The following MAP4 variants were observed in gnomAD, a reference collection of about 807,000 sequenced individuals.
MAP4 encodes the protein microtubule associated protein 4, also known as microtubule-associated protein 4.
In MAP4, 76 loss-of-function variants were observed where a neutral mutation model predicts 170.2. The ratio of observed to expected loss-of-function variants is 0.45; its 90% confidence interval spans 0.37 to 0.54. The LOEUF (loss-of-function observed/expected upper bound fraction) is 0.54. Ranked by LOEUF, MAP4 falls within the 20% of genes least tolerant of loss-of-function variation. The probability of loss-of-function intolerance (pLI) is 0.00; values close to 1 mark genes in which losing one functional copy is unlikely to be tolerated. For missense variants in MAP4, 2,506 were observed against 2,748.0 expected, an observed-to-expected ratio of 0.91 and a Z score of 1.97; for synonymous variants, 909 against 994.5, an observed-to-expected ratio of 0.91 and a Z score of 1.62.
At chr3:48,038,354 G>A (rs571627175) in intron 1 of MAP4, among the ~76,000 whole-genome samples, 1 of 150,392 alleles carries the variant, frequency 6.6e-6, no homozygotes, top group Admixed American at 6.6e-5. Flanking sequence ...ACCATCCATG[G>A]CAAAAAAAAA....
chr3:48,051,186 A>G (rs2100127648), intron 1 of MAP4, among the ~76,000 whole-genome samples: 2 of 151,224 alleles, frequency 1.3e-5, no homozygotes, highest in Non-Finnish European at 2.9e-5. Context: ...GCCAAGGTGG[A>G]TGGATCATCT....
At chr3:47,861,927 C>T (rs1186822423) in intron 17 of MAP4, among the ~76,000 whole-genome samples, 1 of 151,422 alleles carries the variant, frequency 6.6e-6, no homozygotes, top group Non-Finnish European at 1.5e-5. Context: ...TTTGGGAGGC[C>T]GAGGTGGGTG....
chr3:48,020,721 C>CA (rs111747560), upstream of MAP4, among the ~76,000 whole-genome samples: 92 of 151,468 alleles, frequency 6.1e-4, 1 homozygote, highest in Non-Finnish European at 1.0e-3. Flanking sequence ...ATTAAAAAAA[C>CA]AAAAAAAACA....
intron 17 of MAP4, among the ~76,000 whole-genome samples, chr3:47,863,206 C>T (rs2071299278): frequency 1.3e-5 from 2 of 152,194 alleles, no homozygotes; most frequent in East Asian, 1.9e-4. Context: ...GAACTCCCGA[C>T]CTCAGGTGAT....
At chr3:48,037,350 C>A (rs149210126) in intron 1 of MAP4, among the ~76,000 whole-genome samples, 13 of 152,224 alleles carry the variant, frequency 8.5e-5, no homozygotes, top group Admixed American at 2.0e-4. Flanking sequence ...TAAAATAATT[C>A]TTTCACGCTT....
intron 1 of MAP4, among the ~76,000 whole-genome samples, chr3:48,071,089 A>T (rs1311299367): frequency 6.6e-6 from 1 of 152,182 alleles, no homozygotes; most frequent in Non-Finnish European, 1.5e-5. Flanking sequence ...TGCTTTTAAA[A>T]AGCATTTCTC....
intron 17 of MAP4, among the ~76,000 whole-genome samples, chr3:47,864,442 C>T (rs560044768): frequency 2.0e-5 from 3 of 151,868 alleles, no homozygotes; most frequent in South Asian, 2.1e-4. Context: ...TTTGGGAGGC[C>T]GAGGCGGGCG....
intron 2 of MAP4, among the ~76,000 whole-genome samples, chr3:47,980,486 C>A (rs1365137477): frequency 2.0e-5 from 3 of 152,124 alleles, no homozygotes; most frequent in African/African-American, 4.8e-5. Context: ...CTCATAAATA[C>A]AAGGCAGAAA....
intron 17 of MAP4, among the ~76,000 whole-genome samples, chr3:47,864,249 AT>A (rs941147547): frequency 1.3e-5 from 2 of 151,958 alleles, no homozygotes; most frequent in Non-Finnish European, 2.9e-5. Flanking sequence ...TTTAAAAGAT[AT>A]TTTTTTTGGG....
intron 1 of MAP4, among the ~76,000 whole-genome samples, chr3:48,008,140 T>C (rs555021780): frequency 6.6e-6 from 1 of 152,226 alleles, no homozygotes; most frequent in South Asian, 2.1e-4. Context: ...ATGGAAGTGG[T>C]ATATACGTGA....
At chr3:47,984,003 AT>A (rs997257716) in intron 2 of MAP4, among the ~76,000 whole-genome samples, 29 of 151,664 alleles carry the variant, frequency 1.9e-4, no homozygotes, top group African/African-American at 4.8e-4. Context: ...ATTAAAGGTA[AT>A]TTTTTTTTCC....
intron 2 of MAP4, among the ~76,000 whole-genome samples, chr3:47,995,014 C>A (rs1382110633): frequency 1.3e-5 from 2 of 151,742 alleles, no homozygotes; most frequent in Admixed American, 1.3e-4. Flanking sequence ...GTGGTTACTC[C>A]AGGAAGGAGA....
At chr3:48,048,972 T>A (rs2100126081) in intron 1 of MAP4, among the ~76,000 whole-genome samples, 1 of 152,236 alleles carries the variant, frequency 6.6e-6, no homozygotes, top group African/African-American at 2.4e-5. Context: ...CTATTCTTCA[T>A]CTTTACAGTT....
At chr3:47,888,717 T>G (rs2098084732) in intron 10 of MAP4, among the ~76,000 whole-genome samples, 1 of 152,266 alleles carries the variant, frequency 6.6e-6, no homozygotes, top group African/African-American at 2.4e-5. Context: ...AACTTTTCAG[T>G]GGGACATTTG....
intron 1 of MAP4, among the ~76,000 whole-genome samples, chr3:48,076,480 T>C (rs6768318): frequency 0.74 from 110,908 of 149,416 alleles, 41,565 homozygotes; most frequent in African/African-American, 0.87. Flanking sequence ...CCAGCCTGGG[T>C]GACAGAACGA....
At chr3:47,894,063 T>C (rs1052596609) in intron 10 of MAP4, among the ~76,000 whole-genome samples, 2 of 152,024 alleles carry the variant, frequency 1.3e-5, no homozygotes, top group Admixed American at 6.6e-5. Flanking sequence ...AGTGGCAATG[T>C]TGCAATGCTG....
chr3:48,009,487 C>A (rs761204298), intron 1 of MAP4, among the ~76,000 whole-genome samples: 2 of 152,176 alleles, frequency 1.3e-5, no homozygotes, highest in Non-Finnish European at 2.9e-5. Flanking sequence ...TAAAGAAGTG[C>A]GGCAGTAGGC....
intron 1 of MAP4, among the ~76,000 whole-genome samples, chr3:48,063,333 C>A (rs555313410): frequency 2.0e-5 from 3 of 151,016 alleles, no homozygotes; most frequent in African/African-American, 7.3e-5. Flanking sequence ...CTACTCAGGA[C>A]GCTAAGCCAA....
At chr3:47,885,903 C>T (rs187037693) in intron 10 of MAP4, among the ~76,000 whole-genome samples, 330 of 152,204 alleles carry the variant, frequency 2.2e-3, no homozygotes, top group African/African-American at 7.7e-3. Context: ...TAATTCTTTG[C>T]ATTTTTAGTA....
Sources: gnomAD v4.1 joint callset for allele counts (sites outside exome capture counted in the v4.1 genomes callset) on GRCh38, gnomAD v4.1.1 for gene constraint, MANE v1.5 for transcripts, NCBI Gene and HGNC (gene_info 2026-07-23, HGNC 2026-07-21) for gene names.